TMOD2: variants seen among roughly 807,000 people sequenced by gnomAD.
TMOD2 encodes the protein tropomodulin-2.
A neutral mutation model predicts 39.9 loss-of-function variants in TMOD2; 22 were observed. The ratio of observed to expected loss-of-function variants is 0.55; its 90% CI spans 0.39 to 0.79. The LOEUF (loss-of-function observed/expected upper bound fraction) is 0.79, where lower values mean the gene tolerates loss of function less well. Among genes scored for constraint, TMOD2 ranks in the 30% least tolerant of loss-of-function variants. The pLI, the probability that TMOD2 is intolerant of heterozygous loss-of-function variation, is 0.00. For missense variants in TMOD2, 386 were observed against 413.3 expected, an observed-to-expected ratio of 0.93 and a Z score of 0.57; for synonymous variants, 123 against 146.1, an observed-to-expected ratio of 0.84 and a Z score of 1.14.
chr15:51,791,146 C>T (rs1442280918), intron 7 of TMOD2, among the ~76,000 whole-genome samples: 1 of 152,190 alleles, frequency 6.6e-6, no homozygotes, highest in Non-Finnish European at 1.5e-5. Flanking sequence ...TGATAAGCAA[C>T]TTCAGCAAAG....
In TMOD2 at chr15:51,814,001, A is replaced by G. The variant is rs936266668; in HGVS notation, c.*5547A>G. Reference sequence around the variant, plus strand: ...TGGAGTTATTTCAGCTCCCATGTAGAGGTGGGAGAGGTGGTTGATGGGGCA... The same window carrying G: ...TGGAGTTATTTCAGCTCCCATGTAGGGGTGGGAGAGGTGGTTGATGGGGCA... On this transcript the variant is annotated 3_prime_UTR_variant, in exon 10 of 10. Coordinates refer to ENST00000249700, the MANE Select transcript of TMOD2 (RefSeq NM_014548.4). 1 of 152,118 alleles carries G rather than the reference A, an allele frequency of 6.6e-6. No individual in the cohort carries two copies. Among genetic ancestry groups the G allele is most frequent in the African/African-American group, 2.4e-5 (1 of 41,400 alleles). 9.4% of individuals were successfully genotyped at this position (152,118 alleles called of 1,614,324 possible).
intron 1 of TMOD2, among the ~76,000 whole-genome samples, chr15:51,765,861 G>A (rs185935779): frequency 1.3e-5 from 2 of 152,296 alleles, no homozygotes; most frequent in East Asian, 3.9e-4. Flanking sequence ...TCACATAGAC[G>A]TTCCAAACTC....
intron 3 of TMOD2, among the ~76,000 whole-genome samples, chr15:51,771,295 G>A (rs1247279235): frequency 1.3e-5 from 2 of 152,214 alleles, no homozygotes; most frequent in African/African-American, 2.4e-5. Context: ...GGAGCAGCGG[G>A]AGGCTACTAT....
intron 6 of TMOD2, among the ~76,000 whole-genome samples, chr15:51,782,065 C>T (rs937834390): frequency 6.6e-6 from 1 of 152,182 alleles, no homozygotes; most frequent in African/African-American, 2.4e-5. Context: ...CTGCACCCCA[C>T]ATTGTCTCCT....
chr15:51,798,915 A>G (rs2056069843), intron 8 of TMOD2, among the ~76,000 whole-genome samples: 1 of 152,176 alleles, frequency 6.6e-6, no homozygotes, highest in Admixed American at 6.5e-5. Context: ...CACCCATGAG[A>G]TTGTGGTCTG....
chr15:51,755,723 A>G (rs1213288808), intron 1 of TMOD2, among the ~76,000 whole-genome samples: 1 of 152,142 alleles, frequency 6.6e-6, no homozygotes, highest in East Asian at 1.9e-4. Context: ...ACCAGTTGCT[A>G]AATGTTTTGC....
At chr15:51,775,570 C>CTTTTTTTTTTTT (rs869308022) in intron 4 of TMOD2, among the ~76,000 whole-genome samples, 15 of 81,210 alleles carry the variant, frequency 1.8e-4, no homozygotes, top group Non-Finnish European at 2.8e-4. Flanking sequence ...ATTCTTTTTC[C>CTTTTTTTTTTTT]TTTTTTTTTT....
At chr15:51,802,173 G>T (rs1567248142) in intron 8 of TMOD2, among the ~76,000 whole-genome samples, 1 of 150,762 alleles carries the variant, frequency 6.6e-6, no homozygotes, top group Non-Finnish European at 1.5e-5. Flanking sequence ...ATTTTCTTCA[G>T]CTTCTAAGTC....
At chr15:51,775,662 C>T (rs1400660931) in intron 4 of TMOD2, among the ~76,000 whole-genome samples, 2 of 149,416 alleles carry the variant, frequency 1.3e-5, no homozygotes, top group Admixed American at 6.7e-5. Context: ...ACTGCAACCT[C>T]CACCTCCGGA....
At chr15:51,767,031 ATT>A (rs11459410) in intron 2 of TMOD2, 2 of 147,692 alleles carry the variant, frequency 1.4e-5, no homozygotes, top group Admixed American at 6.8e-5. Flanking sequence ...CAAATGCAGA[ATT>A]TTTTTTTTTT....
intron 7 of TMOD2, among the ~76,000 whole-genome samples, chr15:51,796,629 C>G (rs180884870): frequency 3.3e-5 from 5 of 152,282 alleles, no homozygotes; most frequent in Admixed American, 2.6e-4. Flanking sequence ...AATTTTTAAA[C>G]TAGGCACAGT....
chr15:51,773,129 C>A (rs765227820), intron 3 of TMOD2, among the ~76,000 whole-genome samples: 14 of 152,266 alleles, frequency 9.2e-5, no homozygotes, highest in Non-Finnish European at 1.9e-4. Flanking sequence ...CACAAATAGC[C>A]TCCCCTTGAC....
At chr15:51,791,222 G>A (rs2056009608) in intron 7 of TMOD2, among the ~76,000 whole-genome samples, 1 of 152,110 alleles carries the variant, frequency 6.6e-6, no homozygotes, top group Non-Finnish European at 1.5e-5. Context: ...CAAACAGAGA[G>A]CCAAATCATG....
chr15:51,776,040 C>T (rs927330748), intron 4 of TMOD2, among the ~76,000 whole-genome samples: 6 of 152,164 alleles, frequency 3.9e-5, no homozygotes, highest in African/African-American at 9.7e-5. Flanking sequence ...CCAAGTCACA[C>T]AGTTTAACGT....
chr15:51,770,572 C>T (rs923509872), intron 3 of TMOD2, among the ~76,000 whole-genome samples: 3 of 152,186 alleles, frequency 2.0e-5, no homozygotes, highest in Non-Finnish European at 4.4e-5. Flanking sequence ...ACTGCCTTGT[C>T]TCACATAATG....
At chr15:51,785,909 A>C (rs947625815) in intron 7 of TMOD2, among the ~76,000 whole-genome samples, 1 of 152,170 alleles carries the variant, frequency 6.6e-6, no homozygotes, top group South Asian at 2.1e-4. Flanking sequence ...ATACACCCCC[A>C]AAAATATGTA....
chr15:51,799,001 G>C (rs2056070467), intron 8 of TMOD2, among the ~76,000 whole-genome samples: 1 of 152,174 alleles, frequency 6.6e-6, no homozygotes, highest in Non-Finnish European at 1.5e-5. Context: ...CTTTTCCCTA[G>C]AGCCACCTCT....
Position 51,757,216 on chromosome 15 carries a change from A to G in TMOD2, c.-70+5504A>G, listed in dbSNP as rs548391841. Among the ~76,000 whole-genome samples the G allele has an allele frequency of 2.0e-5, 3 of 152,298 alleles. No individual in the cohort carries two copies. The South Asian group carries it at 6.2e-4, about 32-fold the overall frequency. ...CAGGAGCTCGAGACCAGCCTGGCCAACATGGTGAAACCCCGTCTCTACTAA... is the reference window on the plus strand; with the variant it reads ...CAGGAGCTCGAGACCAGCCTGGCCAGCATGGTGAAACCCCGTCTCTACTAA... On this transcript the variant is annotated intron_variant, in intron 1 of 9. Transcript: ENST00000249700.
intron 7 of TMOD2, chr15:51,783,785 A>AGATAGATG (rs1555462162): frequency 3.0e-4 from 45 of 151,990 alleles, no homozygotes; most frequent in African/African-American, 9.6e-4. Context: ...ATAGATAGAT[A>AGATAGATG]GATAGATAAA....
Sources: allele counts gnomAD v4.1 joint callset (sites outside exome capture counted in the v4.1 genomes callset), GRCh38; gene constraint gnomAD v4.1.1; transcripts MANE v1.5; gene names NCBI Gene and HGNC (gene_info 2026-07-23, HGNC 2026-07-21).